PLPPR4: variants seen among roughly 807,000 people sequenced by gnomAD.
PLPPR4 encodes the protein phospholipid phosphatase-related protein type 4.
Under a neutral mutation model 56.6 loss-of-function variants are expected in PLPPR4, and 24 were observed. The ratio of observed to expected loss-of-function variants is 0.42; its 90% confidence interval spans 0.31 to 0.60. PLPPR4 has a LOEUF of 0.60. Ranked by LOEUF, PLPPR4 falls within the 20% of genes least tolerant of loss-of-function variation. The pLI, the probability that PLPPR4 is intolerant of heterozygous loss-of-function variation, is 0.13. For missense variants in PLPPR4, 654 were observed against 885.8 expected (o/e 0.74, Z 3.32); for synonymous variants, 326 against 328.1 (o/e 0.99, Z 0.07).
chr1:99,263,882 T>C (rs974398544), upstream of PLPPR4: 9 of 152,068 alleles, frequency 5.9e-5, no homozygotes, highest in African/African-American at 2.2e-4. Flanking sequence ...ACACAACCGG[T>C]AGTGTTTGTT....
intron 2 of PLPPR4, among the ~76,000 whole-genome samples, chr1:99,294,768 T>C (rs17120188): frequency 0.07 from 10,589 of 151,996 alleles, 412 homozygotes; most frequent in African/African-American, 0.085. Context: ...TTGTATTGTA[T>C]GACAAAACAC....
At position 99,292,072 on chromosome 1, in the gene PLPPR4, C is replaced by A. The variant is rs142531323; in HGVS notation, c.264+3922C>A. The stretch of plus-strand genomic sequence containing the variant: ...ATATATTTGAATTTGAGATAAATTA[C>A]TTAACATACTACACAAATGATCATG... On this transcript the variant is annotated intron_variant, in intron 2 of 6. Coordinates refer to ENST00000370185, the MANE Select transcript of PLPPR4 (RefSeq NM_014839.5). 2.5e-3 allele frequency among the ~76,000 whole-genome samples: 384 copies of A among 152,214 alleles called. 2 individuals are homozygous for A. Among genetic ancestry groups the A allele is most frequent in the African/African-American group, 9.1e-3 (376 of 41,536 alleles).
Position 99,285,413 on chromosome 1 carries a change from G to A in PLPPR4, c.79-2552G>A, listed in dbSNP as rs535243920. ...AATTTCAATAATGTGCATGCACCAC[G>A]AAGCGCTGATTTATTGGTCAAGACT... On this transcript the variant is annotated intron_variant, in intron 1 of 6. Coordinates refer to ENST00000370185, the MANE Select transcript of PLPPR4 (RefSeq NM_014839.5). 3.9e-5 allele frequency among the ~76,000 whole-genome samples: 6 copies of A among 152,172 alleles called. No homozygotes were observed. The South Asian group carries it at 6.2e-4, about 16-fold the overall frequency.
chr1:99,301,214 T>C (rs1373361468), intron 5 of PLPPR4, among the ~76,000 whole-genome samples: 4 of 152,162 alleles, frequency 2.6e-5, no homozygotes, highest in Non-Finnish European at 4.4e-5. Context: ...TTTAATATTA[T>C]ACTTCATAGG....
intron 1 of PLPPR4, among the ~76,000 whole-genome samples, chr1:99,270,247 A>C (rs964598824): frequency 3.3e-5 from 5 of 152,160 alleles, no homozygotes; most frequent in Admixed American, 3.3e-4. Context: ...GCTGGTCTCG[A>C]ACTCCTGGGC....
intron 1 of PLPPR4, among the ~76,000 whole-genome samples, chr1:99,282,941 A>G (rs1659368246): frequency 6.8e-6 from 1 of 147,716 alleles, no homozygotes; most frequent in Admixed American, 6.8e-5. Flanking sequence ...TCTGATATAT[A>G]TTTAATATAT....
chr1:99,266,988 A>G (rs943683941), intron 1 of PLPPR4, among the ~76,000 whole-genome samples: 5 of 152,272 alleles, frequency 3.3e-5, no homozygotes, highest in Non-Finnish European at 7.3e-5. Context: ...TTTGCTTTAC[A>G]GCATAGTTTC....
In PLPPR4 at chr1:99,307,005, G is replaced by A. The variant is rs763511418; in HGVS notation, c.2143G>A (p.Asp715Asn). ...AACCTCCCCCACACGGGCTTATAAG[G>A]ATTGAGTGATGTCCATTCCATCATT... Reference protein sequence around the residue: ...KGTSPTRAYKD With the variant: ...KGTSPTRAYKN The change falls in exon 7 of 7, where the codon GAT (aspartate) becomes AAT (asparagine). Residue 715 changes from aspartate (D) to asparagine (N), a missense_variant. By Grantham distance (23) the Asp-to-Asn change is conservative. Transcript: ENST00000370185. The A allele has an allele frequency of 6.3e-7, 1 of 1,590,474 alleles. No homozygotes were observed. The highest frequency in any genetic ancestry group is 1.1e-5 in the South Asian group (1 of 88,944).
intron 1 of PLPPR4, among the ~76,000 whole-genome samples, chr1:99,274,411 C>A (rs958952152): frequency 6.6e-6 from 1 of 152,170 alleles, no homozygotes; most frequent in African/African-American, 2.4e-5. Context: ...TACCAACACC[C>A]CCTCTCCCAT....
intron 1 of PLPPR4, among the ~76,000 whole-genome samples, chr1:99,275,928 C>T (rs1659174998): frequency 6.6e-6 from 1 of 152,252 alleles, no homozygotes; most frequent in East Asian, 1.9e-4. Flanking sequence ...TGAGGTACCT[C>T]ATATGAGATG....
At position 99,288,126 on chromosome 1, in the gene PLPPR4, G is replaced by T. The variant is rs777414274; in HGVS notation, c.240G>T (p.Leu80Phe). 6.2e-6 allele frequency: 10 copies of T among 1,613,158 alleles called. No homozygotes were observed. In the African/African-American group the frequency reaches 1.3e-4, roughly 22 times the overall value. Residue 80 changes from leucine (L) to phenylalanine (F), a missense_variant, in exon 2 of 7, where the codon TTG becomes TTT. Around this residue, in one of 2 missense-constraint regions of PLPPR4, gnomAD observed 186 missense variants for 331.4 expected, o/e 0.56. Transcript: ENST00000370185. The stretch of plus-strand genomic sequence containing the variant: ...TTCCATTCCTCATGTTGCTTAGCTT[G>T]GCTTTTGCTGGACCTGCAATTACGG... ...EAIPFLMLLS[L>F]AFAGPAITIM... is the part of the protein sequence containing the mutation.
At chr1:99,293,157 C>T (rs568409688) in intron 2 of PLPPR4, among the ~76,000 whole-genome samples, 1 of 152,218 alleles carries the variant, frequency 6.6e-6, no homozygotes, top group African/African-American at 2.4e-5. Flanking sequence ...CAAAAGGCCT[C>T]GCTTCAGCCA....
intron 1 of PLPPR4, among the ~76,000 whole-genome samples, chr1:99,282,475 C>G (rs1310934148): frequency 2.0e-5 from 3 of 152,102 alleles, no homozygotes; most frequent in African/African-American, 7.2e-5. Flanking sequence ...AGAGAAGTAC[C>G]CGATGCCTAC....
At chr1:99,301,064 A>G in intron 5 of PLPPR4, 98 bp downstream of exon 5, 1 of 1,058,338 alleles carries the variant, frequency 9.4e-7, no homozygotes, top group African/African-American at 1.6e-5. Context: ...TAACCATGTA[A>G]TAACAGAATG....
Position 99,296,773 on chromosome 1 carries a change from C to G in PLPPR4, c.300C>G (p.Leu100=). ...MVGEGILYCC[L]SKRRNGVGLE... is the part of the protein sequence containing the mutation. ...GAGAAGGAATTCTCTACTGTTGCCT[C>G]TCCAAAAGAAGAAATGGGGTCGGAC... is the stretch of plus-strand genomic sequence containing the variant. The change falls in exon 3 of 7, where the codon CTC becomes CTG. Residue 100 remains leucine, a synonymous_variant. Transcript: ENST00000370185. The G allele has an allele frequency of 6.2e-7, 1 of 1,605,716 alleles. No individual in the cohort carries two copies. The highest frequency in any genetic ancestry group is 2.2e-5 in the East Asian group (1 of 44,752).
chr1:99,275,180 C>T (rs1225667849), intron 1 of PLPPR4, among the ~76,000 whole-genome samples: 2 of 152,046 alleles, frequency 1.3e-5, no homozygotes, highest in Non-Finnish European at 2.9e-5. Context: ...TTCTTCATGG[C>T]AAAACCTGAT....
At position 99,306,786 on chromosome 1, in the gene PLPPR4, A is replaced by G. The variant is rs776543194; in HGVS notation, c.1924A>G (p.Ile642Val). Reference protein sequence around the residue: ...FGSGDRKRSNIDSNEHHHHGI... With the variant: ...FGSGDRKRSNVDSNEHHHHGI... The stretch of plus-strand genomic sequence containing the variant: ...TTCTGGAGATCGCAAGAGAAGCAAC[A>G]TTGATAGCAATGAGCATCACCACCA... The change falls in exon 7 of 7, where the codon ATT becomes GTT. Residue 642 changes from isoleucine (I) to valine (V), a missense_variant. Ile to Val is a conservative substitution (Grantham distance 29, BLOSUM62 3). Coordinates refer to ENST00000370185, the MANE Select transcript of PLPPR4 (RefSeq NM_014839.5). This position sits in a 1 kb window ranked among gnomAD's most constrained non-coding sequence, Gnocchi z 4.0. The G allele has an allele frequency of 6.2e-7, 1 of 1,614,052 alleles. No individual in the cohort carries two copies. Among genetic ancestry groups the G allele is most frequent in the Non-Finnish European group, 8.5e-7 (1 of 1,179,988 alleles).
rs762790412 is a variant in PLPPR4 at position 99,296,772 on chromosome 1, T to G, written c.299T>G (p.Leu100Arg). 21 of 1,605,468 alleles carry G rather than the reference T, an allele frequency of 1.3e-5. No individual in the cohort carries two copies. Among genetic ancestry groups the G allele is most frequent in the Non-Finnish European group, 1.7e-5 (20 of 1,174,248 alleles). Residue 100 changes from leucine to arginine, a missense_variant, in exon 3 of 7, where the codon CTC becomes CGC. Coordinates refer to ENST00000370185, the MANE Select transcript of PLPPR4 (RefSeq NM_014839.5). Reference protein sequence around the residue: ...MVGEGILYCCLSKRRNGVGLE... With the variant: ...MVGEGILYCCRSKRRNGVGLE... ...GGAGAAGGAATTCTCTACTGTTGCC[T>G]CTCCAAAAGAAGAAATGGGGTCGGA...
At chr1:99,299,929 G>A (rs1194850175) in intron 4 of PLPPR4, among the ~76,000 whole-genome samples, 2 of 151,920 alleles carry the variant, frequency 1.3e-5, no homozygotes, top group African/African-American at 4.8e-5. Context: ...AGAGGGATAA[G>A]GGCCAATCAA....
Sources: gnomAD v4.1 joint callset for allele counts (sites outside exome capture counted in the v4.1 genomes callset) on GRCh38, gnomAD v4.1.1 for gene constraint, gnomAD v4.1.1 regional missense constraint, Gnocchi (gnomAD v3.1) non-coding constraint, MANE v1.5 for transcripts, NCBI Gene and HGNC (gene_info 2026-07-23, HGNC 2026-07-21) for gene names.